The following SCMH1 variants were observed in gnomAD, a reference collection of about 807,000 sequenced individuals.
The protein encoded by SCMH1 is Scm polycomb group protein homolog 1, also known as polycomb protein SCMH1.
A neutral mutation model predicts 70.8 loss-of-function variants in SCMH1; 37 were observed. That is an observed-to-expected ratio of 0.52 (90% confidence interval 0.40 to 0.69). The LOEUF (loss-of-function observed/expected upper bound fraction) is 0.69, where lower values mean the gene tolerates loss of function less well. SCMH1 is among the 30% of genes least tolerant of loss of function. The pLI is 0.00. For missense variants in SCMH1, 607 were observed against 827.3 expected (o/e 0.73, Z 3.27); for synonymous variants, 292 against 307.4 (o/e 0.95, Z 0.52).
exon 13 of SCMH1, chr1:41,037,466 T>A: frequency 6.2e-7 from 1 of 1,614,134 alleles, no homozygotes; most frequent in Non-Finnish European, 8.5e-7. Flanking sequence ...GTTGGTGGGA[T>A]TTGAGGCAGA....
At position 41,113,194 on chromosome 1, in the gene SCMH1, A is replaced by G; in HGVS notation, c.745+89T>C. On this transcript the variant is annotated intron_variant, in intron 8 of 14. Coordinates refer to ENST00000337495, the Ensembl canonical transcript of SCMH1. The surrounding 1 kb of genome is among the most constrained non-coding windows in gnomAD (Gnocchi z 4.3). Reference sequence around the variant, plus strand: ...CTCCTCCCCTGCATACTAGTGAAGTATACTGGTGAAGATATGATCATGACA... The same window carrying G: ...CTCCTCCCCTGCATACTAGTGAAGTGTACTGGTGAAGATATGATCATGACA... The G allele has an allele frequency of 6.7e-7, 1 of 1,498,774 alleles. No individual in the cohort carries two copies. Among genetic ancestry groups the G allele is most frequent in the Non-Finnish European group, 9.0e-7 (1 of 1,113,222 alleles). The allele number at this position is 1,498,774 out of a possible 1,614,324, so 92.8% of individuals were successfully genotyped here. A position where few individuals can be genotyped will look rare whatever the true frequency, so the allele number is the denominator to read the frequency against.
At chr1:41,077,084 T>C (rs184246930) in intron 8 of SCMH1, among the ~76,000 whole-genome samples, 17 of 152,242 alleles carry the variant, frequency 1.1e-4, no homozygotes, top group Admixed American at 1.0e-3. Context: ...TAGTACAATG[T>C]TAACGATGCA....
chr1:41,097,710 A>G (rs1665473568), intron 8 of SCMH1, among the ~76,000 whole-genome samples: 1 of 152,140 alleles, frequency 6.6e-6, no homozygotes. Context: ...TGTCTTAATC[A>G]CTGAAATGGT....
At chr1:41,117,391 G>A (rs937408717) in intron 6 of SCMH1, among the ~76,000 whole-genome samples, 8 of 152,162 alleles carry the variant, frequency 5.3e-5, no homozygotes, top group African/African-American at 1.9e-4. Context: ...TTGGTCTAGC[G>A]GTAACACCAG....
At chr1:41,239,335 A>G (rs928330167) in intron 1 of SCMH1, among the ~76,000 whole-genome samples, 1 of 152,150 alleles carries the variant, frequency 6.6e-6, no homozygotes, top group Non-Finnish European at 1.5e-5. Flanking sequence ...CTTTCTGCTC[A>G]TGTTTGCCTC....
chr1:41,225,457 C>T (rs948760219), intron 1 of SCMH1, among the ~76,000 whole-genome samples: 1 of 152,054 alleles, frequency 6.6e-6, no homozygotes, highest in Non-Finnish European at 1.5e-5. Context: ...TGTCAGTCCC[C>T]GGGCTAGGGA....
chr1:41,102,279 C>T (rs1329903525), intron 8 of SCMH1, among the ~76,000 whole-genome samples: 1 of 152,186 alleles, frequency 6.6e-6, no homozygotes, highest in African/African-American at 2.4e-5. Context: ...GGAATGGAAT[C>T]TTATTTTTCA....
chr1:41,155,017 A>T (rs1645393289), intron 4 of SCMH1, among the ~76,000 whole-genome samples: 1 of 152,238 alleles, frequency 6.6e-6, no homozygotes, highest in Admixed American at 6.5e-5. Context: ...AGGTGATGTG[A>T]TAGAGACTGG....
chr1:41,089,917 G>A (rs1662910762), intron 8 of SCMH1, among the ~76,000 whole-genome samples: 1 of 149,706 alleles, frequency 6.7e-6, no homozygotes, highest in African/African-American at 2.5e-5. Context: ...TCAGCCTCTC[G>A]AGTAGCTGGG....
intron 5 of SCMH1, among the ~76,000 whole-genome samples, chr1:41,145,988 C>T (rs773899400): frequency 1.3e-5 from 2 of 151,924 alleles, no homozygotes; most frequent in Non-Finnish European, 2.9e-5. Flanking sequence ...ATTCTTTATA[C>T]GAAAATAAAA....
At position 41,028,634 on chromosome 1, in the gene SCMH1, G is replaced by C. The variant is rs748662296; in HGVS notation, c.1771C>G (p.Arg591Gly). ...GGTCCAAGCTGAGGATCAGCTTCCC[G>C]GACAAACTGCATCACATCCTCGACT... The change falls in exon 14 of 15, where the codon CGG (arginine) becomes GGG (glycine). Residue 591 changes from arginine (R) to glycine (G), a missense_variant. By Grantham distance (125) the Arg-to-Gly change is moderately radical. Coordinates refer to ENST00000337495, the Ensembl canonical transcript of SCMH1. The C allele has an allele frequency of 3.7e-6, 6 of 1,614,046 alleles. No homozygotes were observed. Among genetic ancestry groups the C allele is most frequent in the Admixed American group, 3.3e-5 (2 of 60,000 alleles).
At chr1:41,034,964 C>T (rs1645089053) in intron 13 of SCMH1, among the ~76,000 whole-genome samples, 2 of 152,220 alleles carry the variant, frequency 1.3e-5, no homozygotes, top group African/African-American at 2.4e-5. Flanking sequence ...GCTACCATGC[C>T]TCCAGTGACT....
chr1:41,205,338 C>A (rs61779271), intron 1 of SCMH1, among the ~76,000 whole-genome samples: 3 of 152,318 alleles, frequency 2.0e-5, no homozygotes, highest in African/African-American at 7.2e-5. Flanking sequence ...CACCTCTGCC[C>A]AAATACTGTG....
rs532534354 is a variant in SCMH1 at position 41,236,955 on chromosome 1, A to G, written c.-118+5104T>C. Among the ~76,000 whole-genome samples the G allele has an allele frequency of 2.0e-5, 3 of 152,346 alleles. No homozygotes were observed. The East Asian group carries it at 5.8e-4, about 29-fold the overall frequency. On this transcript the variant is annotated intron_variant, in intron 1 of 14. Transcript: ENST00000337495. ...AGTTTACGGTGGCTAGAGAGTTAAC[A>G]CTAAGGTCTTGGAATGCTGTGGTTA... is the stretch of plus-strand genomic sequence containing the variant.
intron 8 of SCMH1, among the ~76,000 whole-genome samples, chr1:41,094,928 C>T (rs1202292855): frequency 6.6e-6 from 1 of 151,872 alleles, no homozygotes; most frequent in Non-Finnish European, 1.5e-5. Flanking sequence ...ACAGCCATAT[C>T]TCTGCTCAAA....
intron 8 of SCMH1, among the ~76,000 whole-genome samples, chr1:41,102,762 A>G (rs1379207304): frequency 6.6e-6 from 1 of 152,218 alleles, no homozygotes; most frequent in East Asian, 1.9e-4. Flanking sequence ...GTGGAGGGCT[A>G]TATTTTCTTA....
chr1:41,165,150 G>A (rs571172971), intron 2 of SCMH1, among the ~76,000 whole-genome samples: 5 of 151,884 alleles, frequency 3.3e-5, no homozygotes, highest in African/African-American at 9.7e-5. Flanking sequence ...GATATTTGTC[G>A]TTCTGTAACT....
At chr1:41,179,153 T>G (rs1490207989) in intron 2 of SCMH1, among the ~76,000 whole-genome samples, 1 of 151,812 alleles carries the variant, frequency 6.6e-6, no homozygotes, top group African/African-American at 2.4e-5. Context: ...CATAACGAAA[T>G]GAAGGCAGAA....
chr1:41,054,971 CGGG>C (rs1379742792), intron 10 of SCMH1, among the ~76,000 whole-genome samples: 1 of 152,064 alleles, frequency 6.6e-6, no homozygotes, highest in East Asian at 1.9e-4. Context: ...GTTGTAGAGA[CGGG>C]TTCTCACTAT....
Sources: gnomAD v4.1 joint callset for allele counts (sites outside exome capture counted in the v4.1 genomes callset) on GRCh38, gnomAD v4.1.1 for gene constraint, Gnocchi (gnomAD v3.1) non-coding constraint, MANE v1.5 for transcripts, NCBI Gene and HGNC (gene_info 2026-07-23, HGNC 2026-07-21) for gene names.